Variants in GET1 observed in about 807,000 individuals in gnomAD.
The protein encoded by GET1 is guided entry of tail-anchored proteins factor 1, also known as congenital heart disease 5 protein.
GET1 carries 20 observed loss-of-function variants against 22.6 expected under a neutral mutation model. The ratio of observed to expected loss-of-function variants is 0.89; its 90% CI spans 0.62 to 1.29. The LOEUF (loss-of-function observed/expected upper bound fraction) is 1.29, where lower values mean the gene tolerates loss of function less well. GET1 is among the 50% of genes most tolerant of loss of function. The pLI, the probability that GET1 is intolerant of heterozygous loss-of-function variation, is 0.00. For synonymous variants in GET1, 92 were observed against 83.8 expected, an observed-to-expected ratio of 1.10 and a Z score of -0.53; for missense variants, 209 against 219.9, an observed-to-expected ratio of 0.95 and a Z score of 0.31.
chr21:39,391,598 G>T, intron 2 of GET1, 171 bp from the exon 3 acceptor site: 34 of 599,966 alleles, frequency 5.7e-5, no homozygotes, highest in East Asian at 1.3e-4. Flanking sequence ...ATGGCATAAT[G>T]AGATGGTGGG....
chr21:39,408,368 A>G (rs2039468667), downstream of GET1, among the ~76,000 whole-genome samples: 1 of 152,226 alleles, frequency 6.6e-6, no homozygotes, highest in Admixed American at 6.5e-5. Flanking sequence ...GGAATTTACC[A>G]AGAAAGAGGA....
At chr21:39,382,975 G>C (rs1413524053) in intron 1 of GET1, among the ~76,000 whole-genome samples, 1 of 151,586 alleles carries the variant, frequency 6.6e-6, no homozygotes, top group African/African-American at 2.4e-5. Flanking sequence ...TTTTGAGATG[G>C]AGTCTTGCTC....
In GET1 at chr21:39,380,694, G is replaced by A; in HGVS notation, c.102+208G>A. Reference sequence around the variant, plus strand: ...CAGACTTTCTGGGTTCTAGGGGGTTGGGAGAAACACCGGGCAACCCTGGAC... The same window carrying A: ...CAGACTTTCTGGGTTCTAGGGGGTTAGGAGAAACACCGGGCAACCCTGGAC... On this transcript the variant is annotated intron_variant, in intron 1 of 4. Transcript: ENST00000649170. The A allele has an allele frequency of 2.2e-6, 3 of 1,382,552 alleles. No individual in the cohort carries two copies. The South Asian group carries it at 4.8e-5, about 22-fold the overall frequency. 85.6% of individuals were successfully genotyped at this position (1,382,552 alleles called of 1,614,324 possible).
At chr21:39,392,235 C>G (rs2038348871) in intron 3 of GET1, among the ~76,000 whole-genome samples, 1 of 152,170 alleles carries the variant, frequency 6.6e-6, no homozygotes. Flanking sequence ...TCTCCACCCT[C>G]CAGGTAGAGA....
At position 39,397,190 on chromosome 21, in the gene GET1, G is replaced by A. The variant is rs1043118126; in HGVS notation, c.*251G>A. ...AGTGAACACCGTCCTCGATCTGTAC[G>A]AAATGTGAAATGTTTAGGGACATCT... On this transcript the variant is annotated 3_prime_UTR_variant, in exon 5 of 5. Transcript: ENST00000649170. 4.3e-6 allele frequency: 2 copies of A among 470,014 alleles called. No homozygotes were observed. The highest frequency in any genetic ancestry group is 3.8e-5 in the East Asian group (1 of 26,086). The allele number at this position is 470,014 out of a possible 1,614,324, so 29.1% of individuals were successfully genotyped here.
downstream of GET1, chr21:39,410,716 T>G (rs953928971): frequency 4.5e-5 from 18 of 396,644 alleles, no homozygotes; most frequent in Non-Finnish European, 8.5e-5. Flanking sequence ...AGCTCTTGAT[T>G]ATCAGTGGTT....
rs147325067 is a variant in GET1 at position 39,428,422 on chromosome 21, C to G, written c.*214C>G. 383 of 1,611,948 alleles carry G rather than the reference C, an allele frequency of 2.4e-4. No individual in the cohort carries two copies. The African/African-American group carries it at 4.9e-3, about 21-fold the overall frequency. ...GGCTTCTCTTGCATGCTGCAGACCT[C>G]CTATTGTTTTCTAATGCCACGCCGA... is the stretch of plus-strand genomic sequence containing the variant. On this transcript the variant is annotated 3_prime_UTR_variant, in exon 2 of 2. Coordinates refer to the GET1 transcript ENST00000478273.
At chr21:39,402,545 C>A (rs973251829), downstream of GET1, among the ~76,000 whole-genome samples, 1 of 152,210 alleles carries the variant, frequency 6.6e-6, no homozygotes, top group Non-Finnish European at 1.5e-5. Flanking sequence ...CAGACATATT[C>A]GGCAAATGCC....
At chr21:39,420,958 T>G (rs575378589) in intron 1 of GET1, 1 of 761,192 alleles carries the variant, frequency 1.3e-6, no homozygotes, top group Non-Finnish European at 2.1e-6. Context: ...ACAATTTTAG[T>G]GAATGACTTA....
chr21:39,420,846 GA>G, intron 1 of GET1: 1 of 1,610,922 alleles, frequency 6.2e-7, no homozygotes, highest in Non-Finnish European at 8.5e-7. Flanking sequence ...TCCAAGCTCT[GA>G]AAACAGTATA....
chr21:39,389,838 G>A (rs1162424249), intron 1 of GET1, among the ~76,000 whole-genome samples: 2 of 152,254 alleles, frequency 1.3e-5, no homozygotes, highest in South Asian at 4.1e-4. Flanking sequence ...GCTCTGCCCC[G>A]TCTAATCTAG....
At chr21:39,415,662 T>C (rs2041004062) in intron 1 of GET1, among the ~76,000 whole-genome samples, 1 of 152,264 alleles carries the variant, frequency 6.6e-6, no homozygotes, top group Non-Finnish European at 1.5e-5. Context: ...TTCTATAGTT[T>C]TTAAAAGGTT....
chr21:39,428,408 C>T, exon 2 of GET1: 1 of 1,612,886 alleles, frequency 6.2e-7, no homozygotes, highest in African/African-American at 1.3e-5. Context: ...GCTTCTCTTG[C>T]ATGCTGCAGA....
chr21:39,397,367 A>T lies in GET1; in HGVS notation c.*428A>T, dbSNP rs190014587. ...AAAGTAACTTAATTTTAATACCACT[A>T]CTAAAAATTCGAAAATTTCTTCTTT... On this transcript the variant is annotated 3_prime_UTR_variant, in exon 5 of 5. Coordinates refer to ENST00000649170, the MANE Select transcript of GET1 (RefSeq NM_004627.6). The T allele has an allele frequency of 8.2e-5, 13 of 159,324 alleles. No individual in the cohort carries two copies. The East Asian group carries it at 2.2e-3, about 27-fold the overall frequency. 9.9% of individuals were successfully genotyped at this position (159,324 alleles called of 1,614,324 possible). A position where few individuals can be genotyped will look rare whatever the true frequency, so the allele number is the denominator to read the frequency against.
intron 1 of GET1, among the ~76,000 whole-genome samples, chr21:39,420,522 CAAAA>C (rs397972848): frequency 1.1e-5 from 1 of 87,158 alleles, no homozygotes; most frequent in Non-Finnish European, 2.0e-5. Flanking sequence ...GATTCTATCT[CAAAA>C]AAAAAAAAAA....
chr21:39,411,501 T>C (rs2147203864), downstream of GET1, among the ~76,000 whole-genome samples: 1 of 152,264 alleles, frequency 6.6e-6, no homozygotes, highest in South Asian at 2.1e-4. Flanking sequence ...AGAAAGGACA[T>C]AAAGGGGTGT....
chr21:39,411,436 C>G (rs1029422561), downstream of GET1, among the ~76,000 whole-genome samples: 1 of 152,136 alleles, frequency 6.6e-6, no homozygotes, highest in Non-Finnish European at 1.5e-5. Flanking sequence ...TTAGAAAGTT[C>G]ACTTTTTGGC....
rs555654107 is a variant in GET1, at chr21:39,380,451, G to A, written c.67G>A (p.Val23Ile). Reference sequence around the variant, plus strand: ...GCTCAGCTTCGTGTTTGGATGCAATGTTCTTAGGATCCTCCTCCCGTCCTT... The same window carrying A: ...GCTCAGCTTCGTGTTTGGATGCAATATTCTTAGGATCCTCCTCCCGTCCTT... ...LVLSFVFGCN[V>I]LRILLPSFSS... is the part of the protein sequence containing the mutation. The change falls in exon 1 of 5, where the codon GTT becomes ATT. Residue 23 changes from valine to isoleucine, a missense_variant. Transcript: ENST00000649170. 3.7e-6 allele frequency: 6 copies of A among 1,613,340 alleles called. No individual in the cohort carries two copies. Among genetic ancestry groups the A allele is most frequent in the Admixed American group, 1.7e-5 (1 of 59,944 alleles).
intron 1 of GET1, among the ~76,000 whole-genome samples, chr21:39,412,114 G>A (rs1272596487): frequency 6.6e-6 from 1 of 152,162 alleles, no homozygotes. Flanking sequence ...GTGCATTACA[G>A]TAGCCACTAA....
Sources: allele counts gnomAD v4.1 joint callset (sites outside exome capture counted in the v4.1 genomes callset), GRCh38; gene constraint gnomAD v4.1.1; transcripts MANE v1.5; gene names NCBI Gene and HGNC (gene_info 2026-07-23, HGNC 2026-07-21).